KLHL36: variants seen among roughly 807,000 people sequenced by gnomAD.
KLHL36 encodes kelch like family member 36, also known as kelch-like protein 36.
KLHL36 carries 35 observed loss-of-function variants against 53.3 expected under a neutral mutation model. The ratio of observed to expected loss-of-function variants is 0.66; its 90% CI spans 0.50 to 0.87. The LOEUF (loss-of-function observed/expected upper bound fraction) is 0.87, where lower values mean the gene tolerates loss of function less well. Among genes scored for constraint, KLHL36 ranks in the 40% least tolerant of loss-of-function variants. The pLI is 0.00. For synonymous variants in KLHL36, 472 were observed against 398.9 expected (o/e 1.18, Z -2.18); for missense variants, 864 against 897.6 (o/e 0.96, Z 0.48).
chr16:84,658,236 G>A (rs148014396), intron 3 of KLHL36: 516 of 297,784 alleles, frequency 1.7e-3, no homozygotes, highest in Middle Eastern at 0.01. Flanking sequence ...AGCCACAGCC[G>A]CATGTGGCGA....
chr16:84,653,677 C>G (rs1242862571), intron 2 of KLHL36, among the ~76,000 whole-genome samples: 2 of 151,948 alleles, frequency 1.3e-5, no homozygotes, highest in Non-Finnish European at 2.9e-5. Flanking sequence ...CCTGTCTCTA[C>G]TAAAAAGACA....
At chr16:84,650,731 C>T in intron 1 of KLHL36, 121 bp from the exon 2 acceptor site, 1 of 695,756 alleles carries the variant, frequency 1.4e-6, no homozygotes, top group Non-Finnish European at 2.5e-6. Context: ...ACGGTCCTCC[C>T]TCCCTCCTTC....
chr16:84,657,993 T>A, intron 3 of KLHL36, 49 bp downstream of exon 3: 1 of 1,359,802 alleles, frequency 7.4e-7, no homozygotes, highest in Non-Finnish European at 9.8e-7. Context: ...CTCTCTCGGT[T>A]TCCTTAACCT....
At chr16:84,650,716 A>G in intron 1 of KLHL36, 136 bp from the exon 2 acceptor site, 1 of 622,058 alleles carries the variant, frequency 1.6e-6, no homozygotes, top group Non-Finnish European at 2.8e-6. Flanking sequence ...AGTTCTTTGT[A>G]GTGCACGGTC....
chr16:84,648,625 C>T lies in KLHL36; in HGVS notation c.-41C>T, dbSNP rs1050365841. The T allele has an allele frequency of 2.2e-4, 32 of 148,052 alleles. No homozygotes were observed. Among genetic ancestry groups the T allele is most frequent in the African/African-American group, 7.8e-4 (32 of 40,906 alleles). The allele number at this position is 148,052 out of a possible 1,614,324, so 9.2% of individuals were successfully genotyped here. On this transcript the variant is annotated 5_prime_UTR_variant, in exon 1 of 5. Transcript: ENST00000564996. This position sits in a 1 kb window ranked among gnomAD's most constrained non-coding sequence, Gnocchi z 4.9. ...GGCCCCGCCGCCGGGGCTGTCCCCG[C>T]CGCGTCCGTAGCGCGTCCTGCCAGG... is the stretch of plus-strand genomic sequence containing the variant.
Position 84,650,923 on chromosome 16 carries a change from C to A in KLHL36, c.56C>A (p.Ser19Ter). Reference sequence around the variant, plus strand: ...TCTCGGCCATACAAGATCAGCGAATCATCAAAGGTCTGTGAATGTTCACTC... The same window carrying A: ...TCTCGGCCATACAAGATCAGCGAATAATCAAAGGTCTGTGAATGTTCACTC... ...RVSRPYKISE[S>*]SKVYRWADHS... is the part of the protein sequence containing the mutation. The change falls in exon 2 of 5, where the codon TCA becomes TAA. Residue 19 changes from serine (S) to a stop codon, truncating the protein, a stop_gained. Coordinates refer to ENST00000564996, the MANE Select transcript of KLHL36 (RefSeq NM_024731.4). LOFTEE classifies it high-confidence loss of function. The A allele has an allele frequency of 6.2e-7, 1 of 1,610,612 alleles. No homozygotes were observed. The highest frequency in any genetic ancestry group is 8.5e-7 in the Non-Finnish European group (1 of 1,178,920).
chr16:84,650,127 C>T (rs536439931), intron 1 of KLHL36, among the ~76,000 whole-genome samples: 3 of 152,198 alleles, frequency 2.0e-5, no homozygotes, highest in South Asian at 2.1e-4. Context: ...CAGCTTATTT[C>T]ACCTCACTGC....
chr16:84,661,764 C>T lies in KLHL36; in HGVS notation c.1482C>T (p.Ser494=), dbSNP rs1169303467. ...ACAGCATGTGCAGCCTGGGTGACAG[C>T]ATCTACTCCATCGGGGGCAGCGATG... is the stretch of plus-strand genomic sequence containing the variant. The part of the protein sequence containing the change: ...GWHSMCSLGD[S]IYSIGGSDDN... Residue 494 remains serine, a synonymous_variant, in exon 5 of 5, where the codon AGC becomes AGT. Coordinates refer to ENST00000564996, the MANE Select transcript of KLHL36 (RefSeq NM_024731.4). This position sits in a 1 kb window ranked among gnomAD's most constrained non-coding sequence, Gnocchi z 7.9. The T allele has an allele frequency of 6.2e-7, 1 of 1,613,212 alleles. No homozygotes were observed. Among genetic ancestry groups the T allele is most frequent in the African/African-American group, 1.3e-5 (1 of 74,908 alleles).
intron 1 of KLHL36, among the ~76,000 whole-genome samples, chr16:84,649,912 C>T (rs950512159): frequency 6.6e-6 from 1 of 152,184 alleles, no homozygotes; most frequent in African/African-American, 2.4e-5. Context: ...TATTAGTTGG[C>T]AAAGTCCCTT....
At chr16:84,650,990 G>A in intron 2 of KLHL36, 60 bp downstream of exon 2, 13 of 1,357,054 alleles carry the variant, frequency 9.6e-6, no homozygotes, top group Non-Finnish European at 1.3e-5. Flanking sequence ...TCCTTTTTCT[G>A]ATTCACTCAT....
chr16:84,649,545 G>A (rs1176878278), intron 1 of KLHL36, among the ~76,000 whole-genome samples: 1 of 152,212 alleles, frequency 6.6e-6, no homozygotes, highest in East Asian at 1.9e-4. Context: ...CCGCACCAAC[G>A]CTGGGTTTCT....
Position 84,667,059 on chromosome 16 carries a change from C to CA in KLHL36, c.*4944dup, listed in dbSNP as rs761527507. 1,401 of 44,998 alleles carry CA rather than the reference C, an allele frequency of 0.031. 10 individuals are homozygous for CA. Among genetic ancestry groups the CA allele is most frequent in the African/African-American group, 0.074 (723 of 9,742 alleles). The allele number at this position is 44,998 out of a possible 1,614,324, so 2.8% of individuals were successfully genotyped here. On this transcript the variant is annotated 3_prime_UTR_variant, in exon 5 of 5. Transcript: ENST00000564996. ...CCTGGGTGACCGAGTAAGACTGTCT[C>CA]AAAAAAAAAAAAAAAAAAGAAAAGA... is the stretch of plus-strand genomic sequence containing the variant.
At chr16:84,649,460 G>T (rs1221030471) in intron 1 of KLHL36, 4 of 152,190 alleles carry the variant, frequency 2.6e-5, no homozygotes, top group African/African-American at 9.7e-5. Flanking sequence ...GCACCCGAGC[G>T]CCAGGTCTCA....
In KLHL36 at chr16:84,661,137, C is replaced by A. The variant is rs184120002; in HGVS notation, c.1296-441C>A. Among the ~76,000 whole-genome samples, 2 of 152,308 alleles carry A rather than the reference C, an allele frequency of 1.3e-5. No homozygotes were observed. Among genetic ancestry groups the A allele is most frequent in the Admixed American group, 6.5e-5 (1 of 15,296 alleles). ...TCCTGGCAGCCACTGATTTTGCTGT[C>A]TCTATGGTTTTAGGCAAAACTTTTC... is the stretch of plus-strand genomic sequence containing the variant. On this transcript the variant is annotated intron_variant, in intron 4 of 4. Coordinates refer to ENST00000564996, the MANE Select transcript of KLHL36 (RefSeq NM_024731.4). The surrounding 1 kb of genome is among the most constrained non-coding windows in gnomAD (Gnocchi z 7.9).
intron 2 of KLHL36, among the ~76,000 whole-genome samples, chr16:84,655,850 T>C (rs1465260091): frequency 5.3e-5 from 8 of 152,162 alleles, no homozygotes; most frequent in Non-Finnish European, 2.9e-5. Context: ...ACCAGCTATC[T>C]ATGTGATAGT....
rs751621748 is a variant in KLHL36, at chr16:84,657,134, G to C, written c.327G>C (p.Leu109=). 2 of 1,614,162 alleles carry C rather than the reference G, an allele frequency of 1.2e-6. No individual in the cohort carries two copies. Among genetic ancestry groups the C allele is most frequent in the Admixed American group, 3.3e-5 (2 of 60,034 alleles). The part of the protein sequence containing the change: ...AVVDFLYGGE[L]VLDGGNIDYV... ...TGGACTTCCTGTACGGCGGGGAGCT[G>C]GTGCTGGATGGCGGCAACATTGACT... The change falls in exon 3 of 5, where the codon CTG becomes CTC. Residue 109 remains leucine, a synonymous_variant. Transcript: ENST00000564996.
rs879195354 is a variant in KLHL36 at position 84,663,681 on chromosome 16, A to G, written c.*1548A>G. The G allele has an allele frequency of 1.3e-5, 2 of 152,234 alleles. No individual in the cohort carries two copies. The highest frequency in any genetic ancestry group is 3.2e-3 in the Middle Eastern group (1 of 316). 9.4% of individuals were successfully genotyped at this position (152,234 alleles called of 1,614,324 possible). On this transcript the variant is annotated 3_prime_UTR_variant, in exon 5 of 5. Transcript: ENST00000564996. ...GGGCTCTCAGCTGCTCGAGTGGATG[A>G]GGATCAATGTGTTAAGATTGATATT... is the stretch of plus-strand genomic sequence containing the variant.
chr16:84,664,306 C>T lies in KLHL36; in HGVS notation c.*2173C>T, dbSNP rs3803625. ...ACGGGCAGTTGTTTGGCCTGAATCT[C>T]GGGGCAAGTTGGGGAGAGCACATAG... On this transcript the variant is annotated 3_prime_UTR_variant, in exon 5 of 5. Transcript: ENST00000564996. 0.19 allele frequency: 28,363 copies of T among 152,080 alleles called. 3,442 individuals carry two copies. Among genetic ancestry groups the T allele is most frequent in the East Asian group, 0.4 (2,042 of 5,162 alleles). The allele number at this position is 152,080 out of a possible 1,614,324, so 9.4% of individuals were successfully genotyped here.
chr16:84,659,852 G>C lies in KLHL36; in HGVS notation c.1230G>C (p.Ala410=), dbSNP rs777956919. The change falls in exon 4 of 5, where the codon GCG becomes GCC. Residue 410 remains alanine, a synonymous_variant. Transcript: ENST00000564996. ...TCGGCGGCCGGAATGAGAACGGAGC[G>C]CTCTCTTCAGTAGAGACGTACAGTC... is the stretch of plus-strand genomic sequence containing the variant. ...VAIGGRNENG[A]LSSVETYSPK... is the part of the protein sequence containing the mutation. 2 of 1,613,992 alleles carry C rather than the reference G, an allele frequency of 1.2e-6. No individual in the cohort carries two copies. Among genetic ancestry groups the C allele is most frequent in the East Asian group, 4.5e-5 (2 of 44,886 alleles).
Sources: gnomAD v4.1 joint callset for allele counts (sites outside exome capture counted in the v4.1 genomes callset) on GRCh38, gnomAD v4.1.1 for gene constraint, Gnocchi (gnomAD v3.1) non-coding constraint, MANE v1.5 for transcripts, NCBI Gene and HGNC (gene_info 2026-07-23, HGNC 2026-07-21) for gene names.